The following RP1L1 variants were observed in gnomAD, a reference collection of about 807,000 sequenced individuals.
The protein encoded by RP1L1 is retinitis pigmentosa 1-like 1 protein.
A neutral mutation model predicts 15.7 loss-of-function variants in RP1L1; 27 were observed. That is an observed-to-expected ratio of 1.72 (90% CI 1.27 to 2.38). RP1L1 has a LOEUF of 2.38. Among genes scored for constraint, RP1L1 ranks in the 30% most tolerant of loss-of-function variants. The pLI is 0.00. For missense variants in RP1L1, 4,798 were observed against 3,075.9 expected (o/e 1.56, Z -13.24); for synonymous variants, 1,813 against 1,276.7 (o/e 1.42, Z -8.96).
Position 10,608,931 on chromosome 8 carries a change from C to G in RP1L1, c.5167G>C (p.Val1723Leu). The G allele has an allele frequency of 6.2e-7, 1 of 1,614,124 alleles. No homozygotes were observed. The change falls in exon 4 of 4, where the codon GTC (valine) becomes CTC (leucine). Residue 1723 changes from valine (V) to leucine (L), a missense_variant. Transcript: ENST00000382483. The stretch of plus-strand genomic sequence containing the variant: ...CCCAGCCCTCCCTCAGCTCCCTGGA[C>G]AGTCCTAGTGCTCGTGGGGTCCGTG... ...THTDPTSTRTVQGAEGGLGPG... is the reference protein window; with the variant it reads ...THTDPTSTRTLQGAEGGLGPG...
intron 1 of RP1L1, among the ~76,000 whole-genome samples, chr8:10,653,738 G>T (rs1798597450): frequency 6.6e-6 from 1 of 152,236 alleles, no homozygotes; most frequent in Admixed American, 6.5e-5. Flanking sequence ...GAAGAGAGCA[G>T]CAGGCCTGTC....
At position 10,622,637 on chromosome 8, in the gene RP1L1, G is replaced by C. The variant is rs1303507157; in HGVS notation, c.565C>G (p.Leu189Val). ...TACAACTGCTTCACAGGAAAGCGCA[G>C]GAGATCTGAGGCTTTGCCGAGAAAG... ...AAFLGKASDL[L>V]RFPVKQLYTT... The change falls in exon 2 of 4, where the codon CTG (leucine) becomes GTG (valine). Residue 189 changes from leucine to valine, a missense_variant. Transcript: ENST00000382483. The C allele has an allele frequency of 1.2e-6, 2 of 1,614,206 alleles. No individual in the cohort carries two copies. The highest frequency in any genetic ancestry group is 2.2e-5 in the East Asian group (1 of 44,876).
intron 2 of RP1L1, among the ~76,000 whole-genome samples, chr8:10,617,522 T>C (rs1358461853): frequency 6.7e-6 from 1 of 149,860 alleles, no homozygotes; most frequent in Non-Finnish European, 1.5e-5. Context: ...TTGTTTTTGT[T>C]TTTGTTTTTT....
chr8:10,651,993 T>C (rs1002348636), intron 1 of RP1L1, among the ~76,000 whole-genome samples: 4 of 152,184 alleles, frequency 2.6e-5, no homozygotes, highest in African/African-American at 9.7e-5. Context: ...ACACAGATAT[T>C]TCACATTGTG....
rs1585979686 is a variant in RP1L1 at position 10,622,578 on chromosome 8, A to T, written c.609+15T>A. 1.2e-6 allele frequency: 2 copies of T among 1,614,062 alleles called. No individual in the cohort carries two copies. The highest frequency in any genetic ancestry group is 3.3e-5 in the Admixed American group (2 of 60,002). ...AAGAACCTTTTCAAGGAACCGTCAGACCCCAACAGCCTACCTTTTTCCCGC... is the reference window on the plus strand; with the variant it reads ...AAGAACCTTTTCAAGGAACCGTCAGTCCCCAACAGCCTACCTTTTTCCCGC... On this transcript the variant is annotated intron_variant, in intron 2 of 3. Coordinates refer to ENST00000382483, the MANE Select transcript of RP1L1 (RefSeq NM_178857.6).
At position 10,612,887 on chromosome 8, in the gene RP1L1, T is replaced by G. The variant is rs772681845; in HGVS notation, c.1211A>C (p.Lys404Thr). The G allele has an allele frequency of 6.2e-7, 1 of 1,612,698 alleles. No individual in the cohort carries two copies. Among genetic ancestry groups the G allele is most frequent in the Non-Finnish European group, 8.5e-7 (1 of 1,179,828 alleles). ...CAGGGGATTCGTCCAGATTTCATAC[T>G]TGGGCCCTGGCTGCCCGCCTCGGCC... ...VFGRGGQPGP[K>T]YEIWTNPLHA... is the part of the protein sequence containing the mutation. Residue 404 changes from lysine (K) to threonine (T), a missense_variant, in exon 4 of 4, where the codon AAG (lysine) becomes ACG (threonine). By Grantham distance (78) the Lys-to-Thr change is moderately conservative (BLOSUM62 -1). Transcript: ENST00000382483.
chr8:10,645,579 C>T (rs1798464663), intron 1 of RP1L1, among the ~76,000 whole-genome samples: 1 of 152,044 alleles, frequency 6.6e-6, no homozygotes, highest in Admixed American at 6.6e-5. Context: ...AGTCTGTTAG[C>T]AAGAACCCCA....
chr8:10,637,930 G>A (rs1267354118), intron 1 of RP1L1, among the ~76,000 whole-genome samples: 1 of 152,218 alleles, frequency 6.6e-6, no homozygotes, highest in African/African-American at 2.4e-5. Context: ...TAGTTCTTGG[G>A]ACAGCCCCAC....
chr8:10,610,849 C>T lies in RP1L1; in HGVS notation c.3249G>A (p.Thr1083=), dbSNP rs771734503. 13 of 1,608,116 alleles carry T rather than the reference C, an allele frequency of 8.1e-6. No homozygotes were observed. The highest frequency in any genetic ancestry group is 1.6e-4 in the Middle Eastern group (1 of 6,068). The change falls in exon 4 of 4, where the codon ACG becomes ACA. Residue 1083 remains threonine, a synonymous_variant. Transcript: ENST00000382483. ...RALPGRVSAS[T]QIMRALMGSK... is the part of the protein sequence containing the mutation. ...AGCCCATCAGCGCCCTCATGATCTG[C>T]GTGGAGGCAGACACCCGGCCAGGAA...
chr8:10,646,605 C>T (rs927044538), intron 1 of RP1L1, among the ~76,000 whole-genome samples: 4 of 152,078 alleles, frequency 2.6e-5, no homozygotes, highest in Non-Finnish European at 5.9e-5. Flanking sequence ...GACTCCCTGT[C>T]CCCTAGGAAG....
intron 2 of RP1L1, among the ~76,000 whole-genome samples, chr8:10,617,305 G>C (rs147895318): frequency 6.7e-6 from 1 of 149,034 alleles, no homozygotes; most frequent in Non-Finnish European, 1.5e-5. Flanking sequence ...ACATTGTAAT[G>C]AGCAATGCTG....
intron 1 of RP1L1, among the ~76,000 whole-genome samples, chr8:10,641,193 G>T (rs928843573): frequency 6.6e-6 from 1 of 152,112 alleles, no homozygotes; most frequent in Non-Finnish European, 1.5e-5. Flanking sequence ...CTTGTCCCTC[G>T]CAGTTAGATG....
rs771757943 is a variant in RP1L1, at chr8:10,622,769, GGGA to G, written c.430_432del (p.Ser144del). ...CTCCGGGGGGTTTTAAGACTCTTCCGGGAGGAGGAGGTGCCTGGGGCTTCACGC... is the reference window on the plus strand; with the variant it reads ...CTCCGGGGGGTTTTAAGACTCTTCCGGGAGGAGGTGCCTGGGGCTTCACGC... On this transcript the variant is annotated inframe_deletion, in exon 2 of 4. Coordinates refer to ENST00000382483, the MANE Select transcript of RP1L1 (RefSeq NM_178857.6). 3.5e-5 allele frequency: 56 copies of G among 1,613,840 alleles called. No homozygotes were observed. The highest frequency in any genetic ancestry group is 1.8e-4 in the Admixed American group (11 of 59,976).
intron 1 of RP1L1, among the ~76,000 whole-genome samples, chr8:10,640,148 C>T (rs1159696033): frequency 6.6e-6 from 1 of 152,096 alleles, no homozygotes; most frequent in Non-Finnish European, 1.5e-5. Context: ...TGATAATGGC[C>T]TTACACTGGC....
chr8:10,613,406 T>G (rs1797913597), intron 3 of RP1L1, 60 bp from the exon 4 acceptor site: 3 of 1,593,008 alleles, frequency 1.9e-6, no homozygotes, highest in African/African-American at 1.3e-5. Context: ...GGGGGCAGCA[T>G]CAGGATAAAG....
chr8:10,618,351 A>G (rs1798004269), intron 2 of RP1L1, among the ~76,000 whole-genome samples: 1 of 151,990 alleles, frequency 6.6e-6, no homozygotes. Flanking sequence ...AATACAAAGA[A>G]AAAAAAATTA....
Position 10,611,475 on chromosome 8 carries a change from T to C in RP1L1, c.2623A>G (p.Ser875Gly). The C allele has an allele frequency of 8.9e-6, 14 of 1,570,284 alleles. No individual in the cohort carries two copies. The highest frequency in any genetic ancestry group is 1.2e-5 in the Non-Finnish European group (14 of 1,160,118). The change falls in exon 4 of 4, where the codon AGC becomes GGC. Residue 875 changes from serine to glycine, a missense_variant. Coordinates refer to ENST00000382483, the MANE Select transcript of RP1L1 (RefSeq NM_178857.6). ...CCCCGGGCAGTGCTTTGGTGGCTGC[T>C]GCCGGTGCTCCCACAGCTGGAAGAG... is the stretch of plus-strand genomic sequence containing the variant. ...RRSSSCGSTG[S>G]SHQSTARGPG...
intron 2 of RP1L1, among the ~76,000 whole-genome samples, chr8:10,622,047 C>T (rs1397150577): frequency 6.6e-6 from 1 of 152,178 alleles, no homozygotes; most frequent in Non-Finnish European, 1.5e-5. Flanking sequence ...GGCTGCTGGG[C>T]ATGGTGGCTC....
chr8:10,620,520 T>C (rs1189409581), intron 2 of RP1L1, among the ~76,000 whole-genome samples: 1 of 152,058 alleles, frequency 6.6e-6, no homozygotes, highest in Non-Finnish European at 1.5e-5. Flanking sequence ...GCAGGAAAAT[T>C]GCTTGAATCC....
Sources: allele counts gnomAD v4.1 joint callset (sites outside exome capture counted in the v4.1 genomes callset), GRCh38; gene constraint gnomAD v4.1.1; transcripts MANE v1.5; gene names NCBI Gene and HGNC (gene_info 2026-07-23, HGNC 2026-07-21).